Variants in BRCA1 observed in about 807,000 individuals in gnomAD.
The protein encoded by BRCA1 is breast cancer type 1 susceptibility protein.
BRCA1 carries 140 observed loss-of-function variants against 173.7 expected under a neutral mutation model. The ratio of observed to expected loss-of-function variants is 0.81; its 90% confidence interval spans 0.70 to 0.93. The LOEUF is 0.93. BRCA1 is among the 40% of genes least tolerant of loss of function. The probability of loss-of-function intolerance (pLI) is 0.00; values close to 1 mark genes in which losing one functional copy is unlikely to be tolerated. For synonymous variants in BRCA1, 662 were observed against 756.0 expected (o/e 0.88, Z 2.04); for missense variants, 1,983 against 2,172.5 (o/e 0.91, Z 1.73).
chr17:43,150,999 CACAG>C (rs1158236212), intron 1 of BRCA1, among the ~76,000 whole-genome samples: 5 of 152,108 alleles, frequency 3.3e-5, no homozygotes, highest in Admixed American at 2.0e-4. Context: ...GCCCATCAAA[CACAG>C]ACAGTTTATG....
At chr17:43,072,565 T>C (rs1455654271) in intron 14 of BRCA1, among the ~76,000 whole-genome samples, 55 of 150,474 alleles carry the variant, frequency 3.7e-4, no homozygotes, top group Non-Finnish European at 1.6e-4. Flanking sequence ...ACCTTCCAGC[T>C]GATTTTTTTT....
chr17:43,058,315 A>C (rs559599400), intron 18 of BRCA1, among the ~76,000 whole-genome samples: 3 of 152,012 alleles, frequency 2.0e-5, no homozygotes, highest in Non-Finnish European at 4.4e-5. Flanking sequence ...TGGAGGCTGC[A>C]GTGAACTGTG....
At position 43,093,053 on chromosome 17, in the gene BRCA1, T is replaced by C. The variant is rs2154375353; in HGVS notation, c.2478A>G (p.Thr826=). 1.2e-6 allele frequency: 2 copies of C among 1,613,944 alleles called. No individual in the cohort carries two copies. The highest frequency in any genetic ancestry group is 1.7e-6 in the Non-Finnish European group (2 of 1,180,004). The change falls in exon 10 of 23, where the codon ACA becomes ACG. Residue 826 remains threonine, a synonymous_variant. Coordinates refer to ENST00000357654, the MANE Select transcript of BRCA1 (RefSeq NM_007294.4). ...HGCSKDNRND[T]EGFKYPLGHE... is the part of the protein sequence containing the mutation. ...GTCCCAATGGATACTTAAAGCCTTC[T>C]GTGTCATTTCTATTATCTTTGGAAC...
At chr17:43,154,853 A>G (rs111732228) in intron 1 of BRCA1, among the ~76,000 whole-genome samples, 2,129 of 152,012 alleles carry the variant, frequency 0.014, 54 homozygotes, top group African/African-American at 0.048. Context: ...GGAAACAGGT[A>G]GTGTAATATG....
chr17:43,047,502 T>A (rs2050965615), intron 22 of BRCA1, 141 bp downstream of exon 22: 1 of 885,350 alleles, frequency 1.1e-6, no homozygotes, highest in African/African-American at 1.7e-5. Context: ...AATAAAAACA[T>A]CAAAAAGACA....
At chr17:43,096,528 C>T (rs2054146516) in intron 8 of BRCA1, among the ~76,000 whole-genome samples, 1 of 148,214 alleles carries the variant, frequency 6.7e-6, no homozygotes, top group African/African-American at 2.5e-5. Flanking sequence ...GCCGAGATGG[C>T]GCCACTACAC....
At chr17:43,090,724 T>C (rs2053417890) in intron 11 of BRCA1, among the ~76,000 whole-genome samples, 1 of 152,172 alleles carries the variant, frequency 6.6e-6, no homozygotes, top group Non-Finnish European at 1.5e-5. Context: ...AGGCAGTGTA[T>C]GTGTAGGCTG....
chr17:43,141,948 G>A (rs1335210860), intron 1 of BRCA1, among the ~76,000 whole-genome samples: 1 of 152,098 alleles, frequency 6.6e-6, no homozygotes, highest in African/African-American at 2.4e-5. Flanking sequence ...GTCTTGCTCT[G>A]TTGCCCAGGC....
Position 43,124,054 on chromosome 17 carries a change from T to G in BRCA1, c.43A>C (p.Ile15Leu), listed in dbSNP as rs80357031. 3.1e-6 allele frequency: 5 copies of G among 1,613,814 alleles called. No homozygotes were observed. Among genetic ancestry groups the G allele is most frequent in the African/African-American group, 2.7e-5 (2 of 74,944 alleles). The change falls in exon 2 of 23, where the codon ATT becomes CTT. Residue 15 changes from isoleucine (I) to leucine (L), a missense_variant. Coordinates refer to ENST00000357654, the MANE Select transcript of BRCA1 (RefSeq NM_007294.4). Reference protein sequence around the residue: ...ALRVEEVQNVINAMQKILECP... With the variant: ...ALRVEEVQNVLNAMQKILECP... ...TCTAAGATTTTCTGCATAGCATTAA[T>G]GACATTTTGTACTTCTTCAACGCGA...
chr17:43,166,960 G>C (rs375836234), intron 1 of BRCA1: 1 of 152,238 alleles, frequency 6.6e-6, no homozygotes, highest in South Asian at 2.1e-4. Context: ...GAGTGGGCAA[G>C]TTTCAAAGAC....
chr17:43,128,868 G>A (rs1181214185), upstream of BRCA1, among the ~76,000 whole-genome samples: 1 of 148,896 alleles, frequency 6.7e-6, no homozygotes, highest in African/African-American at 2.5e-5. Context: ...GACCAGCCCA[G>A]GCTGGTCTTG....
chr17:43,121,750 C>G (rs2055589531), intron 2 of BRCA1, among the ~76,000 whole-genome samples: 1 of 142,142 alleles, frequency 7.0e-6, no homozygotes, highest in African/African-American at 2.6e-5. Context: ...CAATGAAAAG[C>G]TAGAAAACAT....
chr17:43,087,634 C>G (rs989059897), intron 11 of BRCA1, among the ~76,000 whole-genome samples: 1 of 150,146 alleles, frequency 6.7e-6, no homozygotes, highest in Non-Finnish European at 1.5e-5. Context: ...TGCACTCCAG[C>G]CTGGGCAACA....
At chr17:43,104,350 GCT>G (rs2054647911) in intron 5 of BRCA1, 89 bp from the exon 6 acceptor site, 1 of 1,379,122 alleles carries the variant, frequency 7.3e-7, no homozygotes, top group Admixed American at 2.0e-5. Context: ...CCCTATGTAT[GCT>G]CTTTGTTGTG....
intron 6 of BRCA1, among the ~76,000 whole-genome samples, chr17:43,103,329 T>C (rs2054573519): frequency 6.6e-6 from 1 of 152,058 alleles, no homozygotes; most frequent in East Asian, 1.9e-4. Context: ...TAGCCAGGTC[T>C]GGTGTCGTAC....
At position 43,099,667 on chromosome 17, in the gene BRCA1, CA is replaced by C. The variant is rs1017128969; in HGVS notation, c.547+107del. The C allele has an allele frequency of 6.3e-5, 58 of 919,576 alleles. 1 individual carries two copies. In the African/African-American group the frequency reaches 9.0e-4, roughly 14 times the overall value. 57.0% of individuals were successfully genotyped at this position (919,576 alleles called of 1,614,324 possible). On this transcript the variant is annotated intron_variant, in intron 7 of 22. Transcript: ENST00000357654. ...CATAGGGCTCATAAAATTCACTTCC[CA>C]AAGCTGCCTACCACAAATACAAATT...
In BRCA1 at chr17:43,082,585, C is replaced by T. The variant is rs80358172; in HGVS notation, c.4186-10G>A. ...GCATGGTATCCCTCTGCTTCAAAAA[C>T]GATAAATGGCACCAAGAAAATGAAA... On this transcript the variant is annotated splice_polypyrimidine_tract_variant and intron_variant, in intron 11 of 22. Coordinates refer to ENST00000357654, the MANE Select transcript of BRCA1 (RefSeq NM_007294.4). 152 of 1,613,860 alleles carry T rather than the reference C, an allele frequency of 9.4e-5. 1 individual carries two copies. The South Asian group carries it at 1.3e-3, about 14-fold the overall frequency.
chr17:43,067,761 A>AT, intron 15 of BRCA1, 66 bp from the exon 16 acceptor site: 1 of 1,273,234 alleles, frequency 7.9e-7, no homozygotes, highest in Middle Eastern at 2.2e-4. Flanking sequence ...AATACTAGTT[A>AT]TTCCACCATG....
At chr17:43,087,691 A>G (rs2053282754) in intron 11 of BRCA1, among the ~76,000 whole-genome samples, 1 of 152,010 alleles carries the variant, frequency 6.6e-6, no homozygotes, top group African/African-American at 2.4e-5. Flanking sequence ...AGAAAAAAGA[A>G]TTTTAATGAT....
Sources: allele counts gnomAD v4.1 joint callset (sites outside exome capture counted in the v4.1 genomes callset), GRCh38; gene constraint gnomAD v4.1.1; transcripts MANE v1.5; gene names NCBI Gene and HGNC (gene_info 2026-07-23, HGNC 2026-07-21).